Variants in SLC24A3 observed in about 807,000 individuals in gnomAD.
SLC24A3 encodes the protein sodium/potassium/calcium exchanger 3.
SLC24A3 carries 28 observed loss-of-function variants against 75.8 expected under a neutral mutation model. That is an observed-to-expected ratio of 0.37 (90% CI 0.27 to 0.51). SLC24A3 has a LOEUF of 0.51. SLC24A3 is among the 20% of genes least tolerant of loss of function. The pLI is 0.94. For synonymous variants in SLC24A3, 372 were observed against 334.1 expected (o/e 1.11, Z -1.24); for missense variants, 663 against 847.8 (o/e 0.78, Z 2.71).
At position 19,407,474 on chromosome 20, in the gene SLC24A3, C is replaced by T. The variant is rs543307570; in HGVS notation, c.272-108014C>T. ...GGCAGAGCAGAGCTGCCTTTCATGT[C>T]GGACACAGAGGAGGGAAAATAACAA... On this transcript the variant is annotated intron_variant, in intron 2 of 16. Coordinates refer to ENST00000328041, the MANE Select transcript of SLC24A3 (RefSeq NM_020689.4). 3.5e-4 allele frequency among the ~76,000 whole-genome samples: 53 copies of T among 152,232 alleles called. 1 individual carries two copies. Among genetic ancestry groups the T allele is most frequent in the Middle Eastern group, 6.8e-3 (2 of 294 alleles).
At chr20:19,545,717 T>C (rs2030577479) in intron 3 of SLC24A3, among the ~76,000 whole-genome samples, 1 of 152,140 alleles carries the variant, frequency 6.6e-6, no homozygotes. Flanking sequence ...CAATGACTGG[T>C]TTGGAGGCAT....
chr20:19,455,777 C>A (rs1033688457), intron 2 of SLC24A3, among the ~76,000 whole-genome samples: 1 of 152,226 alleles, frequency 6.6e-6, no homozygotes, highest in Non-Finnish European at 1.5e-5. Flanking sequence ...GGTGCTTCCT[C>A]GGATCACCCC....
rs1170626122 is a variant in SLC24A3 at position 19,212,950 on chromosome 20, G to T, written c.108G>T (p.Leu36=). The T allele has an allele frequency of 9.0e-6, 12 of 1,327,874 alleles. No individual in the cohort carries two copies. The African/African-American group carries it at 1.2e-4, about 13-fold the overall frequency. The allele number at this position is 1,327,874 out of a possible 1,614,324, so 82.3% of individuals were successfully genotyped here. The change falls in exon 1 of 17, where the codon CTG becomes CTT. Residue 36 remains leucine (L), a synonymous_variant. Coordinates refer to ENST00000328041, the MANE Select transcript of SLC24A3 (RefSeq NM_020689.4). ...GCTTCCTGGCCTCGGTGGCGCTGCT[G>T]CTCTGGTCGCTGTCGAGCCTGCGAG... The part of the protein sequence containing the change: ...QLCFLASVAL[L]LWSLSSLREQ...
At chr20:19,652,498 G>A (rs903717202) in intron 6 of SLC24A3, among the ~76,000 whole-genome samples, 4 of 152,186 alleles carry the variant, frequency 2.6e-5, no homozygotes, top group African/African-American at 9.6e-5. Flanking sequence ...TGAAAAAAGG[G>A]TAAAGAATAC....
chr20:19,443,737 T>C (rs1163015557), intron 2 of SLC24A3, among the ~76,000 whole-genome samples: 1 of 152,204 alleles, frequency 6.6e-6, no homozygotes, highest in Non-Finnish European at 1.5e-5. Context: ...GGAAACATCA[T>C]TGCCTTACTC....
intron 2 of SLC24A3, among the ~76,000 whole-genome samples, chr20:19,442,523 G>A (rs1036537106): frequency 2.0e-5 from 3 of 152,128 alleles, no homozygotes; most frequent in Admixed American, 6.5e-5. Flanking sequence ...CAGAGTGTCT[G>A]TTCAGATCTT....
At chr20:19,464,839 ATAC>A (rs1987738001) in intron 2 of SLC24A3, among the ~76,000 whole-genome samples, 1 of 152,206 alleles carries the variant, frequency 6.6e-6, no homozygotes, top group South Asian at 2.1e-4. Context: ...GATCATGGGT[ATAC>A]TTTGGCATTT....
chr20:19,442,005 G>A (rs1455407824), intron 2 of SLC24A3, among the ~76,000 whole-genome samples: 1 of 152,072 alleles, frequency 6.6e-6, no homozygotes, highest in Non-Finnish European at 1.5e-5. Context: ...TGTGTTTAAA[G>A]CTCCTCTATA....
At chr20:19,370,425 C>G (rs1469271313) in intron 2 of SLC24A3, among the ~76,000 whole-genome samples, 1 of 152,246 alleles carries the variant, frequency 6.6e-6, no homozygotes, top group African/African-American at 2.4e-5. Context: ...CAGGTCAGAA[C>G]TTTCAGGCAC....
intron 2 of SLC24A3, among the ~76,000 whole-genome samples, chr20:19,332,369 C>A (rs141481302): frequency 6.6e-5 from 10 of 152,236 alleles, no homozygotes; most frequent in Admixed American, 3.3e-4. Context: ...TGTTTCCCCT[C>A]GCCAGCCCTC....
intron 2 of SLC24A3, among the ~76,000 whole-genome samples, chr20:19,451,539 C>T (rs1474142098): frequency 3.3e-5 from 5 of 152,206 alleles, no homozygotes; most frequent in East Asian, 1.9e-4. Context: ...TGTGCCAACT[C>T]ATGAGTTTTG....
chr20:19,417,171 G>A (rs999899031), intron 2 of SLC24A3, among the ~76,000 whole-genome samples: 8 of 152,134 alleles, frequency 5.3e-5, no homozygotes, highest in Non-Finnish European at 1.0e-4. Flanking sequence ...AAATAGACCC[G>A]TGAACAACCT....
At chr20:19,412,430 G>A (rs1264871030) in intron 2 of SLC24A3, among the ~76,000 whole-genome samples, 2 of 152,114 alleles carry the variant, frequency 1.3e-5, no homozygotes, top group African/African-American at 4.8e-5. Context: ...GGAGAAGGAG[G>A]AAGAAGAGAC....
intron 1 of SLC24A3, among the ~76,000 whole-genome samples, chr20:19,217,283 C>T (rs1005598934): frequency 1.3e-5 from 2 of 152,008 alleles, no homozygotes; most frequent in Non-Finnish European, 2.9e-5. Flanking sequence ...TGTAGGGTCA[C>T]ATTATAAGAG....
At chr20:19,281,359 G>A (rs2122224527) in intron 2 of SLC24A3, among the ~76,000 whole-genome samples, 1 of 152,298 alleles carries the variant, frequency 6.6e-6, no homozygotes, top group South Asian at 2.1e-4. Context: ...GGCTGGTGCT[G>A]CCAAGTGAGA....
chr20:19,538,055 G>T (rs1026405201), intron 3 of SLC24A3, among the ~76,000 whole-genome samples: 3 of 152,014 alleles, frequency 2.0e-5, no homozygotes, highest in Non-Finnish European at 2.9e-5. Flanking sequence ...AAAAATGGGG[G>T]TAGTTTGGTA....
intron 16 of SLC24A3, among the ~76,000 whole-genome samples, chr20:19,720,777 C>G (rs1568710986): frequency 6.6e-6 from 1 of 152,098 alleles, no homozygotes; most frequent in Admixed American, 6.5e-5. Context: ...TTTCTACAAC[C>G]AGCAGCTTCT....
At chr20:19,644,600 T>C (rs2032113483) in intron 6 of SLC24A3, among the ~76,000 whole-genome samples, 1 of 152,248 alleles carries the variant, frequency 6.6e-6, no homozygotes, top group African/African-American at 2.4e-5. Context: ...ACTTTAATTC[T>C]TCCTGCAAAA....
chr20:19,308,643 A>G (rs1230587922), intron 2 of SLC24A3, among the ~76,000 whole-genome samples: 1 of 152,202 alleles, frequency 6.6e-6, no homozygotes, highest in Non-Finnish European at 1.5e-5. Context: ...ATTTTTTATT[A>G]AAGTATCTGA....
Sources: gnomAD v4.1 joint callset for allele counts (sites outside exome capture counted in the v4.1 genomes callset) on GRCh38, gnomAD v4.1.1 for gene constraint, MANE v1.5 for transcripts, NCBI Gene and HGNC (gene_info 2026-07-23, HGNC 2026-07-21) for gene names.